The following KCNS3 variants were observed in gnomAD, a reference collection of about 807,000 sequenced individuals.
KCNS3 encodes delayed-rectifier potassium channel regulatory subunit KCNS3.
Under a neutral mutation model 31.0 loss-of-function variants are expected in KCNS3, and 13 were observed. The observed-to-expected ratio is 0.42, with a 90% CI of 0.27 to 0.67. The LOEUF is 0.67. KCNS3 is among the 30% of genes least tolerant of loss of function. The pLI is 0.25. For missense variants in KCNS3, 545 were observed against 622.4 expected (o/e 0.88, Z 1.32); for synonymous variants, 238 against 241.5 (o/e 0.99, Z 0.13).
At chr2:17,921,911 GTGTGTATATATA>G (rs1161084313) in intron 2 of KCNS3, among the ~76,000 whole-genome samples, 4,904 of 100,076 alleles carry the variant, frequency 0.049, 126 homozygotes, top group Non-Finnish European at 0.074. Flanking sequence ...ATGTGTGTGT[GTGTGTATATATA>G]TATATATATA....
chr2:17,904,746 G>A (rs1178254474), intron 1 of KCNS3, among the ~76,000 whole-genome samples: 1 of 152,148 alleles, frequency 6.6e-6, no homozygotes, highest in East Asian at 1.9e-4. Context: ...TTTTTGTCAG[G>A]TTTGTCAAAG....
At chr2:17,883,111 TAC>T (rs1177960620) in intron 1 of KCNS3, among the ~76,000 whole-genome samples, 2 of 152,324 alleles carry the variant, frequency 1.3e-5, no homozygotes, top group South Asian at 2.1e-4. Flanking sequence ...CCAATAATGT[TAC>T]AGTTAAGCAG....
At position 17,892,917 on chromosome 2, in the gene KCNS3, C is replaced by T. The variant is rs527543970; in HGVS notation, c.-252+14111C>T. ...TATTTTTTTACTGGTTGGCCGCCTG[C>T]CAGGAGGCGGCACTTTCAGCTGTGC... On this transcript the variant is annotated intron_variant, in intron 1 of 2. Transcript: ENST00000304101. 2.0e-4 allele frequency among the ~76,000 whole-genome samples: 30 copies of T among 152,288 alleles called. No individual in the cohort carries two copies. The East Asian group carries it at 5.4e-3, about 27-fold the overall frequency.
At chr2:17,900,662 G>A (rs1221531986) in intron 1 of KCNS3, among the ~76,000 whole-genome samples, 1 of 152,004 alleles carries the variant, frequency 6.6e-6, no homozygotes, top group African/African-American at 2.4e-5. Context: ...GCTAATTTTT[G>A]TATTTTTAGT....
At chr2:17,889,593 G>T (rs1661790252) in intron 1 of KCNS3, among the ~76,000 whole-genome samples, 2 of 151,994 alleles carry the variant, frequency 1.3e-5, no homozygotes, top group South Asian at 4.1e-4. Flanking sequence ...TTACATTAAG[G>T]TATGTCCCTT....
Position 17,930,937 on chromosome 2 carries a change from G to A in KCNS3, c.-59-13G>A. 1.3e-6 allele frequency: 2 copies of A among 1,535,286 alleles called. No individual in the cohort carries two copies. Among genetic ancestry groups the A allele is most frequent in the Non-Finnish European group, 1.8e-6 (2 of 1,133,594 alleles). ...CAGGACAGAGTGCTAATATCATCTT[G>A]TGCTCTTTCCAGGTGCAGCCTGATC... is the stretch of plus-strand genomic sequence containing the variant. On this transcript the variant is annotated splice_polypyrimidine_tract_variant and intron_variant, in intron 2 of 2. Transcript: ENST00000304101.
intron 1 of KCNS3, among the ~76,000 whole-genome samples, chr2:17,892,156 G>T (rs1661874031): frequency 6.6e-6 from 1 of 151,784 alleles, no homozygotes; most frequent in African/African-American, 2.4e-5. Flanking sequence ...TGTTGGATTG[G>T]GTTAATTCGA....
chr2:17,917,670 T>A lies in KCNS3; in HGVS notation c.-251-10T>A, dbSNP rs943959684. On this transcript the variant is annotated splice_polypyrimidine_tract_variant and intron_variant, in intron 1 of 2. Coordinates refer to ENST00000304101, the MANE Select transcript of KCNS3 (RefSeq NM_002252.5). The stretch of plus-strand genomic sequence containing the variant: ...TGCAGTTACAGCTTGGCTGATGGTT[T>A]TTTCTGCAGGTGAGAGTGATTTTCC... 6.5e-6 allele frequency: 1 copy of A among 152,684 alleles called. No homozygotes were observed. The highest frequency in any genetic ancestry group is 1.5e-5 in the Non-Finnish European group (1 of 68,110). 9.5% of individuals were successfully genotyped at this position (152,684 alleles called of 1,614,324 possible).
At chr2:17,916,192 T>C (rs1178700762) in intron 1 of KCNS3, among the ~76,000 whole-genome samples, 1 of 152,170 alleles carries the variant, frequency 6.6e-6, no homozygotes, top group African/African-American at 2.4e-5. Flanking sequence ...TCCCTTAAAG[T>C]GTGCTACAGT....
chr2:17,881,393 T>C (rs1191847905), intron 1 of KCNS3, among the ~76,000 whole-genome samples: 1 of 152,218 alleles, frequency 6.6e-6, no homozygotes, highest in Non-Finnish European at 1.5e-5. Flanking sequence ...TTTCCAGCTG[T>C]GATATCTATT....
intron 1 of KCNS3, among the ~76,000 whole-genome samples, chr2:17,884,262 AAAAAAAATAT>A (rs1178449559): frequency 0.081 from 4,180 of 51,334 alleles, 104 homozygotes; most frequent in Non-Finnish European, 0.11. Flanking sequence ...TAATTAAAAA[AAAAAAAATAT>A]ATATATATAT....
At chr2:17,920,848 A>G (rs1022238426) in intron 2 of KCNS3, among the ~76,000 whole-genome samples, 1 of 152,198 alleles carries the variant, frequency 6.6e-6, no homozygotes, top group African/African-American at 2.4e-5. Context: ...ATAATATGCA[A>G]ATGAGAACAT....
chr2:17,908,521 A>G (rs1440117641), intron 1 of KCNS3, among the ~76,000 whole-genome samples: 2 of 152,232 alleles, frequency 1.3e-5, no homozygotes, highest in East Asian at 3.9e-4. Flanking sequence ...ATCCCTATGG[A>G]GGGGGAGAGG....
At chr2:17,911,694 A>G (rs1662474858) in intron 1 of KCNS3, among the ~76,000 whole-genome samples, 1 of 152,228 alleles carries the variant, frequency 6.6e-6, no homozygotes, top group African/African-American at 2.4e-5. Flanking sequence ...ATATTGCGTC[A>G]TAATTATTTC....
At chr2:17,929,774 T>A (rs1662914460) in intron 2 of KCNS3, among the ~76,000 whole-genome samples, 1 of 152,228 alleles carries the variant, frequency 6.6e-6, no homozygotes, top group Non-Finnish European at 1.5e-5. Context: ...GAAGTCTATG[T>A]AGTGGAGAGA....
At position 17,931,948 on chromosome 2, in the gene KCNS3, G is replaced by A. The variant is rs1662996386; in HGVS notation, c.940G>A (p.Gly314Ser). Reference sequence around the variant, plus strand: ...GCACTCGGTAGGACTTCGGTCTCTAGGTGCCACACTGAGACACAGCTACCA... The same window carrying A: ...GCACTCGGTAGGACTTCGGTCTCTAAGTGCCACACTGAGACACAGCTACCA... ...ARHSVGLRSL[G>S]ATLRHSYHEV... The change falls in exon 3 of 3, where the codon GGT (glycine) becomes AGT (serine). Residue 314 changes from glycine (G) to serine (S), a missense_variant. By Grantham distance (56) the Gly-to-Ser change is moderately conservative (BLOSUM62 0). Coordinates refer to ENST00000304101, the MANE Select transcript of KCNS3 (RefSeq NM_002252.5). This position sits in a 1 kb window ranked among gnomAD's most constrained non-coding sequence, Gnocchi z 5.4. 6.2e-7 allele frequency: 1 copy of A among 1,613,964 alleles called. No homozygotes were observed. Among genetic ancestry groups the A allele is most frequent in the Non-Finnish European group, 8.5e-7 (1 of 1,180,008 alleles).
chr2:17,882,987 C>T (rs888041133), intron 1 of KCNS3, among the ~76,000 whole-genome samples: 1 of 152,164 alleles, frequency 6.6e-6, no homozygotes, highest in African/African-American at 2.4e-5. Context: ...AGGTCTCATT[C>T]TCTTTGGAAT....
At chr2:17,917,540 C>G (rs1662616730) in intron 1 of KCNS3, 140 bp from the exon 2 acceptor site, 1 of 152,122 alleles carries the variant, frequency 6.6e-6, no homozygotes, top group Non-Finnish European at 1.5e-5. Flanking sequence ...AAGAGACCAC[C>G]CCCCACTTGC....
intron 1 of KCNS3, among the ~76,000 whole-genome samples, chr2:17,914,078 G>A (rs1450272887): frequency 6.6e-6 from 1 of 152,216 alleles, no homozygotes; most frequent in Non-Finnish European, 1.5e-5. Context: ...TTGGGTCGGA[G>A]TCAGCTATCT....
Sources: allele counts gnomAD v4.1 joint callset (sites outside exome capture counted in the v4.1 genomes callset), GRCh38; gene constraint gnomAD v4.1.1; non-coding constraint Gnocchi (gnomAD v3.1); transcripts MANE v1.5; gene names NCBI Gene and HGNC (gene_info 2026-07-23, HGNC 2026-07-21).